CBX3: variants seen among roughly 807,000 people sequenced by gnomAD.
CBX3 encodes chromobox 3.
In CBX3, 5 loss-of-function variants were observed where a neutral mutation model predicts 22.6. The ratio of observed to expected loss-of-function variants is 0.22; its 90% confidence interval spans 0.12 to 0.47. The LOEUF is 0.47. CBX3 is among the 20% of genes least tolerant of loss of function. The probability of loss-of-function intolerance (pLI) is 0.99; values close to 1 mark genes in which losing one functional copy is unlikely to be tolerated. For missense variants in CBX3, 83 were observed against 208.1 expected (o/e 0.40, Z 3.70); for synonymous variants, 50 against 66.6 (o/e 0.75, Z 1.21).
rs200128779 is a variant in CBX3 at position 26,212,586 on chromosome 7, G to C, written c.*378G>C. On this transcript the variant is annotated 3_prime_UTR_variant, in exon 6 of 6. Coordinates refer to ENST00000396386, the MANE Select transcript of CBX3 (RefSeq NM_016587.4). ...TCTAGATTTATTACGTGTTTTTTGT[G>C]TGTGTGTGTGTGTGTGTGTGTGTGT... is the stretch of plus-strand genomic sequence containing the variant. 2.7e-4 allele frequency: 3 copies of C among 11,084 alleles called. No homozygotes were observed. The highest frequency in any genetic ancestry group is 1.1e-3 in the Admixed American group (1 of 924). The allele number at this position is 11,084 out of a possible 1,614,324, so 0.7% of individuals were successfully genotyped here.
chr7:26,212,410 T>C lies in CBX3; in HGVS notation c.*202T>C, dbSNP rs1326325334. ...TACTTTGAACAAATAAATAAAAGCT[T>C]TCTGTAGTTGCTTCCTTTATCAGAA... is the stretch of plus-strand genomic sequence containing the variant. On this transcript the variant is annotated 3_prime_UTR_variant, in exon 6 of 6. Transcript: ENST00000396386. 4.5e-6 allele frequency: 1 copy of C among 222,702 alleles called. No individual in the cohort carries two copies. The highest frequency in any genetic ancestry group is 9.8e-5 in the East Asian group (1 of 10,196). 13.8% of individuals were successfully genotyped at this position (222,702 alleles called of 1,614,324 possible).
At chr7:26,205,654 G>A (rs903994081) in intron 2 of CBX3, among the ~76,000 whole-genome samples, 64 of 152,040 alleles carry the variant, frequency 4.2e-4, no homozygotes, top group African/African-American at 1.3e-3. Context: ...CCATCTGGGG[G>A]TGGATACAAG....
At chr7:26,206,839 G>A (rs1028306190) in intron 3 of CBX3, among the ~76,000 whole-genome samples, 3 of 151,958 alleles carry the variant, frequency 2.0e-5, no homozygotes, top group Non-Finnish European at 4.4e-5. Flanking sequence ...CCACACAGAG[G>A]GTGCTAAAAA....
At chr7:26,212,015 A>G in intron 5 of CBX3, 67 bp from the exon 6 acceptor site, 10 of 1,373,046 alleles carry the variant, frequency 7.3e-6, no homozygotes, top group South Asian at 1.8e-5. Context: ...TATTTCTTAA[A>G]TGAATGGCTG....
In CBX3 at chr7:26,208,531, C is replaced by T; in HGVS notation, c.306C>T (p.Ser102=). The change falls in exon 4 of 6, where the codon AGC becomes AGT. Residue 102 remains serine (S), a synonymous_variant. Coordinates refer to ENST00000396386, the MANE Select transcript of CBX3 (RefSeq NM_016587.4). ...KSLSDSESDD[S]KSKKKRDAAD... is the part of the protein sequence containing the mutation. ...TATCTGACAGTGAATCTGATGACAG[C>T]AAATCAAAGAAGAAAAGAGATGCTG... The T allele has an allele frequency of 6.2e-7, 1 of 1,611,804 alleles. No individual in the cohort carries two copies. The highest frequency in any genetic ancestry group is 1.1e-5 in the South Asian group (1 of 90,836).
At chr7:26,201,927 C>G (rs1430274552) in intron 1 of CBX3, 101 bp downstream of exon 1, 1 of 152,012 alleles carries the variant, frequency 6.6e-6, no homozygotes, top group African/African-American at 2.4e-5. Context: ...CCCTCCCCTT[C>G]TCGCCGGACC....
chr7:26,212,341 C>G lies in CBX3; in HGVS notation c.*133C>G, dbSNP rs972930365. On this transcript the variant is annotated 3_prime_UTR_variant, in exon 6 of 6. Transcript: ENST00000396386. ...TTTGATATGTTTGTTTTGAAAGTAG[C>G]GTTGGAAGAGTTGTTGGGGGTTTTT... is the stretch of plus-strand genomic sequence containing the variant. The G allele has an allele frequency of 1.8e-6, 1 of 543,746 alleles. No homozygotes were observed. The highest frequency in any genetic ancestry group is 2.0e-5 in the African/African-American group (1 of 49,024). 33.7% of individuals were successfully genotyped at this position (543,746 alleles called of 1,614,324 possible).
At chr7:26,209,309 G>C (rs1440214754) in intron 4 of CBX3, among the ~76,000 whole-genome samples, 1 of 152,104 alleles carries the variant, frequency 6.6e-6, no homozygotes, top group Non-Finnish European at 1.5e-5. Context: ...GATGGGCGTG[G>C]TTTAGCCTAC....
intron 4 of CBX3, 103 bp from the exon 5 acceptor site, chr7:26,211,559 C>G: frequency 1.6e-6 from 1 of 640,486 alleles, no homozygotes; most frequent in Non-Finnish European, 2.6e-6. Flanking sequence ...GGTTCTTGCT[C>G]TAGTCATTTC....
At chr7:26,205,624 G>T (rs1457232895) in intron 2 of CBX3, among the ~76,000 whole-genome samples, 1 of 152,068 alleles carries the variant, frequency 6.6e-6, no homozygotes, top group Admixed American at 6.6e-5. Flanking sequence ...TTTGAATTGA[G>T]AAGGGGGCTG....
chr7:26,211,657 A>G lies in CBX3; in HGVS notation c.331-5A>G. On this transcript the variant is annotated splice_region_variant and splice_polypyrimidine_tract_variant and intron_variant, in intron 4 of 5. Coordinates refer to ENST00000396386, the MANE Select transcript of CBX3 (RefSeq NM_016587.4). ...TTGCTGTATGAAAAAATGTCTTCTAAACAGGCTGACAAACCAAGAGGATTT... is the reference window on the plus strand; with the variant it reads ...TTGCTGTATGAAAAAATGTCTTCTAGACAGGCTGACAAACCAAGAGGATTT... 6.3e-7 allele frequency: 1 copy of G among 1,596,898 alleles called. No homozygotes were observed. Among genetic ancestry groups the G allele is most frequent in the Non-Finnish European group, 8.5e-7 (1 of 1,171,478 alleles).
At chr7:26,211,779 AT>A in intron 5 of CBX3, 23 bp downstream of exon 5, 2 of 1,499,734 alleles carry the variant, frequency 1.3e-6, no homozygotes, top group Non-Finnish European at 9.1e-7. Flanking sequence ...AGATTGTTAC[AT>A]TTGAAAGTAA....
Position 26,212,874 on chromosome 7 carries a change from T to G in CBX3, c.*666T>G, listed in dbSNP as rs900962846. ...TTGCAAAATTCCTAAAAGGAAAAATTTTATCACTGCCATCACAGCAGGTTT... is the reference window on the plus strand; with the variant it reads ...TTGCAAAATTCCTAAAAGGAAAAATGTTATCACTGCCATCACAGCAGGTTT... On this transcript the variant is annotated 3_prime_UTR_variant, in exon 6 of 6. Coordinates refer to ENST00000396386, the MANE Select transcript of CBX3 (RefSeq NM_016587.4). The G allele has an allele frequency of 6.6e-6, 1 of 152,276 alleles. No individual in the cohort carries two copies. The highest frequency in any genetic ancestry group is 1.5e-5 in the Non-Finnish European group (1 of 68,056). The allele number at this position is 152,276 out of a possible 1,614,324, so 9.4% of individuals were successfully genotyped here.
intron 4 of CBX3, among the ~76,000 whole-genome samples, chr7:26,210,743 G>T (rs1243897062): frequency 1.3e-5 from 2 of 152,164 alleles, no homozygotes; most frequent in Admixed American, 6.5e-5. Flanking sequence ...AAGCTGAGAA[G>T]AGTAGCATTT....
intron 1 of CBX3, 92 bp downstream of exon 1, chr7:26,201,918 C>T (rs1265064345): frequency 6.6e-6 from 1 of 152,066 alleles, no homozygotes; most frequent in Non-Finnish European, 1.5e-5. Context: ...GCTCCCCTCC[C>T]CTCCCCTTCT....
At chr7:26,205,402 T>C (rs6949939) in intron 2 of CBX3, among the ~76,000 whole-genome samples, 1 of 152,158 alleles carries the variant, frequency 6.6e-6, no homozygotes, top group African/African-American at 2.4e-5. Flanking sequence ...AATAAATTTG[T>C]AATGTTGGTC....
At chr7:26,206,281 G>GTGA (rs1784673962) in intron 2 of CBX3, 87 bp from the exon 3 acceptor site, 1 of 822,490 alleles carries the variant, frequency 1.2e-6, no homozygotes, top group African/African-American at 1.7e-5. Context: ...TATGTCGAAT[G>GTGA]TGATAATAAT....
chr7:26,203,445 G>C (rs1784598949), intron 2 of CBX3, among the ~76,000 whole-genome samples: 1 of 152,112 alleles, frequency 6.6e-6, no homozygotes, highest in Admixed American at 6.5e-5. Context: ...ACCTAGGTTG[G>C]AGCAAAAGTC....
At chr7:26,205,564 C>T (rs1784657054) in intron 2 of CBX3, among the ~76,000 whole-genome samples, 1 of 152,118 alleles carries the variant, frequency 6.6e-6, no homozygotes, top group South Asian at 2.1e-4. Context: ...ACCATGTTTT[C>T]ATTCTGCATT....
Sources: allele counts gnomAD v4.1 joint callset (sites outside exome capture counted in the v4.1 genomes callset), GRCh38; gene constraint gnomAD v4.1.1; transcripts MANE v1.5; gene names NCBI Gene and HGNC (gene_info 2026-07-23, HGNC 2026-07-21).